The following SYNPR variants were observed in gnomAD, a reference collection of about 807,000 sequenced individuals.
SYNPR encodes the protein synaptoporin.
SYNPR carries 23 observed loss-of-function variants against 32.9 expected under a neutral mutation model. The ratio of observed to expected loss-of-function variants is 0.70; its 90% CI spans 0.50 to 0.99. The LOEUF (loss-of-function observed/expected upper bound fraction) is 0.99, where lower values mean the gene tolerates loss of function less well. Among genes scored for constraint, SYNPR ranks in the 50% least tolerant of loss-of-function variants. The pLI is 0.00. For missense variants in SYNPR, 318 were observed against 349.3 expected, an observed-to-expected ratio of 0.91 and a Z score of 0.71; for synonymous variants, 146 against 135.9, an observed-to-expected ratio of 1.07 and a Z score of -0.52.
intron 2 of SYNPR, among the ~76,000 whole-genome samples, chr3:63,461,785 A>G (rs75259708): frequency 1.3e-5 from 2 of 151,904 alleles, no homozygotes; most frequent in Non-Finnish European, 2.9e-5. Flanking sequence ...TTACCATGCT[A>G]TGAACCTCAG....
chr3:63,261,383 G>T (rs933356710), intron 2 of SYNPR, among the ~76,000 whole-genome samples: 3 of 151,706 alleles, frequency 2.0e-5, no homozygotes, highest in Admixed American at 6.6e-5. Flanking sequence ...ATACTATGCA[G>T]CCATAAAAAA....
At chr3:63,342,276 T>A (rs1238287771) in intron 2 of SYNPR, among the ~76,000 whole-genome samples, 1 of 152,216 alleles carries the variant, frequency 6.6e-6, no homozygotes, top group Non-Finnish European at 1.5e-5. Flanking sequence ...TTGTTTGTCA[T>A]GTTGAAGAAG....
In SYNPR at chr3:63,278,480, G is replaced by A. The variant is rs1343219256; in HGVS notation, c.-54G>A. The A allele has an allele frequency of 2.6e-6, 4 of 1,532,660 alleles. No individual in the cohort carries two copies. The highest frequency in any genetic ancestry group is 2.1e-5 in the Admixed American group (1 of 48,686). The allele number at this position is 1,532,660 out of a possible 1,614,324, so 94.9% of individuals were successfully genotyped here. ...GGCCCTGAGGACGGTGGTGCCAAGCGAACTTCATTTTTAAAAAGAACTGGT... is the reference window on the plus strand; with the variant it reads ...GGCCCTGAGGACGGTGGTGCCAAGCAAACTTCATTTTTAAAAAGAACTGGT... On this transcript the variant is annotated 5_prime_UTR_variant, in exon 1 of 6. Coordinates refer to ENST00000478300, the MANE Select transcript of SYNPR (RefSeq NM_001130003.2).
At chr3:63,582,336 A>G (rs1703107677) in intron 4 of SYNPR, among the ~76,000 whole-genome samples, 2 of 152,062 alleles carry the variant, frequency 1.3e-5, no homozygotes, top group African/African-American at 4.8e-5. Flanking sequence ...TTTAGTAGCT[A>G]ATTCCTTTTT....
In SYNPR at chr3:63,320,759, T is replaced by A. The variant is rs989336974; in HGVS notation, c.84+42017T>A. 3.3e-5 allele frequency among the ~76,000 whole-genome samples: 5 copies of A among 152,110 alleles called. No individual in the cohort carries two copies. In the South Asian group the frequency reaches 6.2e-4, roughly 19 times the overall value. On this transcript the variant is annotated intron_variant, in intron 2 of 5. Transcript: ENST00000478300. ...TGATTCCTAATTTGTTTAGTGACTT[T>A]ATTCATGGAAACGGCACCACTTTGA...
the SYNPR span, among the ~76,000 whole-genome samples, chr3:63,205,861 ATAAC>A: frequency 1.3e-5 from 2 of 152,230 alleles, no homozygotes; most frequent in Admixed American, 1.3e-4. Context: ...TTTTATGGAA[ATAAC>A]TGGACATTTC....
intron 2 of SYNPR, among the ~76,000 whole-genome samples, chr3:63,366,054 T>C (rs983730436): frequency 2.0e-5 from 3 of 152,232 alleles, no homozygotes; most frequent in Non-Finnish European, 4.4e-5. Context: ...AATATTTGCA[T>C]TTAGTAATTA....
intron 4 of SYNPR, among the ~76,000 whole-genome samples, chr3:63,601,146 G>T (rs533263649): frequency 7.2e-5 from 11 of 151,976 alleles, no homozygotes; most frequent in Admixed American, 1.3e-4. Flanking sequence ...GTGGCACATG[G>T]CTATAATCTC....
intron 4 of SYNPR, among the ~76,000 whole-genome samples, chr3:63,579,288 T>C (rs1469602809): frequency 6.6e-6 from 1 of 152,104 alleles, no homozygotes; most frequent in Non-Finnish European, 1.5e-5. Context: ...CTGCCTCCCC[T>C]TCCTTCTGCC....
chr3:63,419,542 T>G, intron 2 of SYNPR, among the ~76,000 whole-genome samples: 1 of 152,314 alleles, frequency 6.6e-6, no homozygotes, highest in East Asian at 1.9e-4. Flanking sequence ...TAAAGTTTTT[T>G]ATTTTTTTTC....
At chr3:63,354,485 C>T (rs896207839) in intron 2 of SYNPR, among the ~76,000 whole-genome samples, 1 of 152,096 alleles carries the variant, frequency 6.6e-6, no homozygotes, top group Admixed American at 6.5e-5. Flanking sequence ...AACCAACAGA[C>T]TAGTAAAGAT....
chr3:63,275,237 A>G (rs2086564077), upstream of SYNPR, among the ~76,000 whole-genome samples: 1 of 152,206 alleles, frequency 6.6e-6, no homozygotes, highest in Non-Finnish European at 1.5e-5. Flanking sequence ...CCCCTAATCT[A>G]GTTCTTTAGG....
the SYNPR span, among the ~76,000 whole-genome samples, chr3:63,202,611 T>C: frequency 1.3e-5 from 2 of 151,922 alleles, no homozygotes; most frequent in Non-Finnish European, 2.9e-5. Context: ...TTAAAAAACC[T>C]CTCTGCCCTG....
rs540373966 is a variant in SYNPR at position 63,266,063 on chromosome 3, T to C, written n.155-1254T>C. ...CTAGAAACACAGACTCTAGCAAACCTGGCCAAAGTTCACAGATGCTGCAAA... is the reference window on the plus strand; with the variant it reads ...CTAGAAACACAGACTCTAGCAAACCCGGCCAAAGTTCACAGATGCTGCAAA... On this transcript the variant is annotated intron_variant and non_coding_transcript_variant, in intron 2 of 4. Transcript: ENST00000478456. Among the ~76,000 whole-genome samples, 7 of 152,268 alleles carry C rather than the reference T, an allele frequency of 4.6e-5. No individual in the cohort carries two copies. The South Asian group carries it at 1.4e-3, about 32-fold the overall frequency.
intron 2 of SYNPR, among the ~76,000 whole-genome samples, chr3:63,376,702 G>C (rs1048387536): frequency 1.3e-5 from 2 of 151,904 alleles, no homozygotes; most frequent in African/African-American, 2.4e-5. Context: ...TCTCATTCAG[G>C]GTTTAGTTAA....
intron 3 of SYNPR, among the ~76,000 whole-genome samples, chr3:63,507,234 A>C (rs1701606180): frequency 8.2e-6 from 1 of 121,808 alleles, no homozygotes. Flanking sequence ...TTTAAGGAGA[A>C]ACTGGATATT....
At chr3:63,586,574 C>T (rs992412191) in intron 4 of SYNPR, among the ~76,000 whole-genome samples, 22 of 150,748 alleles carry the variant, frequency 1.5e-4, no homozygotes, top group African/African-American at 3.7e-4. Flanking sequence ...AGAAACATGC[C>T]GATATTTGAG....
At chr3:63,463,676 A>G (rs547034260) in intron 2 of SYNPR, among the ~76,000 whole-genome samples, 1 of 152,246 alleles carries the variant, frequency 6.6e-6, no homozygotes, top group African/African-American at 2.4e-5. Flanking sequence ...GCACACATGA[A>G]AAATTTTCTA....
chr3:63,209,061 A>G, the SYNPR span, among the ~76,000 whole-genome samples: 40 of 152,290 alleles, frequency 2.6e-4, no homozygotes, highest in African/African-American at 9.1e-4. Context: ...GTATAAACTC[A>G]TCATCATTAA....
Sources: allele counts gnomAD v4.1 joint callset (sites outside exome capture counted in the v4.1 genomes callset), GRCh38; gene constraint gnomAD v4.1.1; transcripts MANE v1.5; gene names NCBI Gene and HGNC (gene_info 2026-07-23, HGNC 2026-07-21).